Variants in HCN2 observed in about 807,000 individuals in gnomAD.
HCN2 encodes potassium/sodium hyperpolarization-activated cyclic nucleotide-gated channel 2.
HCN2 carries 20 observed loss-of-function variants against 52.3 expected under a neutral mutation model. The observed-to-expected ratio is 0.38, with a 90% CI of 0.27 to 0.56. The LOEUF (loss-of-function observed/expected upper bound fraction) is 0.56, where lower values mean the gene tolerates loss of function less well. Among genes scored for constraint, HCN2 ranks in the 20% least tolerant of loss-of-function variants. The pLI is 0.71. For synonymous variants in HCN2, 694 were observed against 537.0 expected, an observed-to-expected ratio of 1.29 and a Z score of -4.04; for missense variants, 981 against 1,207.7, an observed-to-expected ratio of 0.81 and a Z score of 2.78.
rs1246846533 is a variant in HCN2 at position 590,701 on chromosome 19, C to T, written c.632+124C>T. The T allele has an allele frequency of 7.2e-6, 5 of 698,680 alleles. No individual in the cohort carries two copies. Among genetic ancestry groups the T allele is most frequent in the Admixed American group, 4.7e-5 (1 of 21,330 alleles). 43.3% of individuals were successfully genotyped at this position (698,680 alleles called of 1,614,324 possible). A position where few individuals can be genotyped will look rare whatever the true frequency, so the allele number is the denominator to read the frequency against. ...CCGGGCCGGTGACCTCGGGGCTCCT[C>T]GGTGACCTCGGGCGTGTCCGGGACC... On this transcript the variant is annotated intron_variant, in intron 1 of 7. Transcript: ENST00000251287. The surrounding 1 kb of genome is among the most constrained non-coding windows in gnomAD (Gnocchi z 7.2).
intron 4 of HCN2, among the ~76,000 whole-genome samples, chr19:609,340 G>A (rs958223796): frequency 3.3e-5 from 5 of 152,190 alleles, no homozygotes; most frequent in Admixed American, 3.3e-4. Context: ...CTGACCCGAT[G>A]GTTTCTGGAA....
At chr19:615,263 A>G (rs1983845190) in intron 7 of HCN2, among the ~76,000 whole-genome samples, 1 of 151,968 alleles carries the variant, frequency 6.6e-6, no homozygotes, top group Admixed American at 6.6e-5. Flanking sequence ...TAGTCCCAGC[A>G]CTTTCGGAGG....
intron 1 of HCN2, among the ~76,000 whole-genome samples, chr19:595,849 C>T (rs897344888): frequency 1.3e-5 from 2 of 152,252 alleles, no homozygotes. Flanking sequence ...CTCCCTTAAT[C>T]ACCGACCTCC....
At position 613,250 on chromosome 19, in the gene HCN2, G is replaced by T; in HGVS notation, c.1587G>T (p.Glu529Asp). The change falls in exon 6 of 8, where the codon GAG becomes GAT. Residue 529 changes from glutamate to aspartate, a missense_variant and splice_region_variant. Coordinates refer to ENST00000251287, the MANE Select transcript of HCN2 (RefSeq NM_001194.4). ...CCAGCCCTGCCTCCCCCCTGCAGGA[G>T]ATCGTCAACTTCAACTGCCGGAAGC... is the stretch of plus-strand genomic sequence containing the variant. ...LGELNGPLRE[E>D]IVNFNCRKLV... The T allele has an allele frequency of 3.7e-6, 6 of 1,611,216 alleles. No individual in the cohort carries two copies. The highest frequency in any genetic ancestry group is 5.1e-6 in the Non-Finnish European group (6 of 1,179,274).
At chr19:614,243 C>T (rs931753301) in intron 7 of HCN2, among the ~76,000 whole-genome samples, 27 of 152,162 alleles carry the variant, frequency 1.8e-4, no homozygotes, top group African/African-American at 4.3e-4. Flanking sequence ...CCCTTTGGGT[C>T]TAGAGGCTGA....
At chr19:611,577 T>G (rs936132626) in intron 5 of HCN2, among the ~76,000 whole-genome samples, 2 of 152,228 alleles carry the variant, frequency 1.3e-5, no homozygotes, top group Non-Finnish European at 2.9e-5. Flanking sequence ...GCGGTTCGCT[T>G]CGCCAAGAAT....
chr19:607,661 C>T (rs1348730419), intron 3 of HCN2, among the ~76,000 whole-genome samples: 1 of 152,228 alleles, frequency 6.6e-6, no homozygotes, highest in African/African-American at 2.4e-5. Context: ...CCCTCTTGAC[C>T]TCACAGATGC....
At chr19:598,538 T>C (rs1983105721) in intron 1 of HCN2, among the ~76,000 whole-genome samples, 1 of 152,076 alleles carries the variant, frequency 6.6e-6, no homozygotes. Context: ...ACTCCTGAGC[T>C]TCTGTGATCC....
chr19:604,450 A>G lies in HCN2; in HGVS notation c.1056+483A>G, dbSNP rs1413351076. Among the ~76,000 whole-genome samples the G allele has an allele frequency of 9.0e-4, 110 of 121,804 alleles. 1 individual carries two copies. Among genetic ancestry groups the G allele is most frequent in the African/African-American group, 3.0e-3 (90 of 30,290 alleles). 79.9% of individuals were successfully genotyped at this position (121,804 alleles called of 152,430 possible). The stretch of plus-strand genomic sequence containing the variant: ...TCGAGGCAGCAGGGGCAGGGCTATG[A>G]TGCTGCTGGGGTGGAGTCAAGCAGC... On this transcript the variant is annotated intron_variant, in intron 2 of 7. Transcript: ENST00000251287.
chr19:592,255 G>A lies in HCN2; in HGVS notation c.632+1678G>A, dbSNP rs1351605068. On this transcript the variant is annotated intron_variant, in intron 1 of 7. Transcript: ENST00000251287. The surrounding 1 kb of genome is among the most constrained non-coding windows in gnomAD (Gnocchi z 4.8). ...GTCCCCTCCAGCATGACCTTCGACA[G>A]AGATGGGTGCACCGCAGCGTGGGGG... Among the ~76,000 whole-genome samples the A allele has an allele frequency of 6.6e-6, 1 of 152,230 alleles. No individual in the cohort carries two copies. Among genetic ancestry groups the A allele is most frequent in the Non-Finnish European group, 1.5e-5 (1 of 68,028 alleles).
In HCN2 at chr19:608,057, A is replaced by C; in HGVS notation, c.1312A>C (p.Met438Leu). Reference sequence around the variant, plus strand: ...GTACGGCCGGCAGGCGCCCGAGAGCATGACGGACATCTGGCTGACCATGCT... The same window carrying C: ...GTACGGCCGGCAGGCGCCCGAGAGCCTGACGGACATCTGGCTGACCATGCT... ...IGYGRQAPES[M>L]TDIWLTMLSM... is the part of the protein sequence containing the mutation. Residue 438 changes from methionine to leucine, a missense_variant, in exon 4 of 8, where the codon ATG becomes CTG. Physicochemically the swap from Met to Leu is conservative, Grantham distance 15. Transcript: ENST00000251287. The C allele has an allele frequency of 6.2e-7, 1 of 1,613,066 alleles. No homozygotes were observed. Among genetic ancestry groups the C allele is most frequent in the Non-Finnish European group, 8.5e-7 (1 of 1,180,020 alleles).
intron 6 of HCN2, 55 bp from the exon 7 acceptor site, chr19:613,797 G>A (rs1484875287): frequency 1.4e-6 from 2 of 1,437,642 alleles, no homozygotes; most frequent in Non-Finnish European, 1.8e-6. Flanking sequence ...GCCTGGGCGG[G>A]GAGGGCCGCG....
Position 592,240 on chromosome 19 carries a change from G to A in HCN2, c.632+1663G>A, listed in dbSNP as rs1282197015. On this transcript the variant is annotated intron_variant, in intron 1 of 7. Transcript: ENST00000251287. This position sits in a 1 kb window ranked among gnomAD's most constrained non-coding sequence, Gnocchi z 4.8. Reference sequence around the variant, plus strand: ...TGCCCACTCCCCTCCGTCCCCTCCAGCATGACCTTCGACAGAGATGGGTGC... The same window carrying A: ...TGCCCACTCCCCTCCGTCCCCTCCAACATGACCTTCGACAGAGATGGGTGC... 6.6e-6 allele frequency among the ~76,000 whole-genome samples: 1 copy of A among 152,232 alleles called. No individual in the cohort carries two copies. Among genetic ancestry groups the A allele is most frequent in the Non-Finnish European group, 1.5e-5 (1 of 68,028 alleles).
rs896845949 is a variant in HCN2 at position 592,287 on chromosome 19, G to A, written c.632+1710G>A. Among the ~76,000 whole-genome samples the A allele has an allele frequency of 2.0e-5, 3 of 152,226 alleles. No individual in the cohort carries two copies. Among genetic ancestry groups the A allele is most frequent in the Non-Finnish European group, 4.4e-5 (3 of 68,018 alleles). On this transcript the variant is annotated intron_variant, in intron 1 of 7. Coordinates refer to ENST00000251287, the MANE Select transcript of HCN2 (RefSeq NM_001194.4). This position sits in a 1 kb window ranked among gnomAD's most constrained non-coding sequence, Gnocchi z 4.8. ...GTGCACCGCAGCGTGGGGGCTGGCA[G>A]GTGGAGGCCCACACCAGCCACTCCC...
intron 3 of HCN2, 97 bp from the exon 4 acceptor site, chr19:607,867 C>T: frequency 3.5e-6 from 3 of 846,588 alleles, no homozygotes; most frequent in Non-Finnish European, 5.7e-6. Context: ...TCACCACCTC[C>T]AGTGCTTGGC....
rs948838976 is a variant in HCN2 at position 616,974 on chromosome 19, G to A, written c.*500G>A. On this transcript the variant is annotated 3_prime_UTR_variant, in exon 8 of 8. Coordinates refer to ENST00000251287, the MANE Select transcript of HCN2 (RefSeq NM_001194.4). Reference sequence around the variant, plus strand: ...CGGTGACCTCGGGGAGCAGCACCCCGCCTCCCTCCAGCACTGGCACCGAGA... The same window carrying A: ...CGGTGACCTCGGGGAGCAGCACCCCACCTCCCTCCAGCACTGGCACCGAGA... The A allele has an allele frequency of 6.6e-5, 30 of 456,584 alleles. No homozygotes were observed. The highest frequency in any genetic ancestry group is 6.3e-4 in the Middle Eastern group (1 of 1,590). 28.3% of individuals were successfully genotyped at this position (456,584 alleles called of 1,614,324 possible).
Position 616,391 on chromosome 19 carries a change from C to A in HCN2, c.2587C>A (p.Arg863Ser). 1 of 1,240,758 alleles carries A rather than the reference C, an allele frequency of 8.1e-7. No individual in the cohort carries two copies. Among genetic ancestry groups the A allele is most frequent in the Non-Finnish European group, 1.0e-6 (1 of 985,766 alleles). 76.9% of individuals were successfully genotyped at this position (1,240,758 alleles called of 1,614,324 possible). The part of the protein sequence containing the change: ...AARAAAPSPD[R>S]RDSASPGAAG... The stretch of plus-strand genomic sequence containing the variant: ...CCGGGCCGCCGCGCCCAGCCCGGAC[C>A]GCAGGGACTCGGCCTCACCCGGCGC... The change falls in exon 8 of 8, where the codon CGC becomes AGC. Residue 863 changes from arginine (R) to serine (S), a missense_variant. By Grantham distance (110) the Arg-to-Ser change is moderately radical (BLOSUM62 -1). Around this residue, in one of 6 missense-constraint regions of HCN2, gnomAD observed 368 missense variants for 314.8 expected, o/e 1.17. Transcript: ENST00000251287.
intron 4 of HCN2, among the ~76,000 whole-genome samples, chr19:608,581 C>T (rs12973933): frequency 0.28 from 38,356 of 139,014 alleles, 5,205 homozygotes; most frequent in East Asian, 0.45. Context: ...TGGAGATGGA[C>T]GTGGGGCGGG....
chr19:609,532 G>A (rs1019707005), intron 4 of HCN2, among the ~76,000 whole-genome samples: 8 of 152,224 alleles, frequency 5.3e-5, no homozygotes, highest in South Asian at 2.1e-4. Context: ...CTGGGAGGCC[G>A]AGACAGGCCG....
Sources: allele counts gnomAD v4.1 joint callset (sites outside exome capture counted in the v4.1 genomes callset), GRCh38; gene constraint gnomAD v4.1.1; regional missense constraint gnomAD v4.1.1; non-coding constraint Gnocchi (gnomAD v3.1); transcripts MANE v1.5; gene names NCBI Gene and HGNC (gene_info 2026-07-23, HGNC 2026-07-21).